The following FANCC variants were observed in gnomAD, a reference collection of about 807,000 sequenced individuals.
The protein encoded by FANCC is Fanconi anemia group C protein.
FANCC carries 55 observed loss-of-function variants against 71.3 expected under a neutral mutation model. That is an observed-to-expected ratio of 0.77 (90% CI 0.62 to 0.97). FANCC has a LOEUF of 0.97. FANCC is among the 50% of genes least tolerant of loss of function. FANCC has a pLI of 0.00. For synonymous variants in FANCC, 275 were observed against 244.9 expected (o/e 1.12, Z -1.15); for missense variants, 678 against 670.9 (o/e 1.01, Z -0.12).
chr9:95,156,635 A>T (rs1360332916), intron 6 of FANCC, among the ~76,000 whole-genome samples: 1 of 152,118 alleles, frequency 6.6e-6, no homozygotes, highest in Non-Finnish European at 1.5e-5. Flanking sequence ...CCATTCATAA[A>T]ATTTTAACTT....
intron 4 of FANCC, among the ~76,000 whole-genome samples, chr9:95,178,352 A>C (rs1457892300): frequency 3.9e-5 from 6 of 152,210 alleles, no homozygotes; most frequent in Admixed American, 3.9e-4. Flanking sequence ...AACTGTCTTG[A>C]TGAGATGGGA....
intron 6 of FANCC, among the ~76,000 whole-genome samples, chr9:95,160,090 G>A (rs1830660310): frequency 6.6e-6 from 1 of 152,174 alleles, no homozygotes; most frequent in African/African-American, 2.4e-5. Flanking sequence ...TTTTAGTCAT[G>A]AAGTCCTTGT....
At chr9:95,132,155 G>T (rs1022157659) in intron 8 of FANCC, among the ~76,000 whole-genome samples, 7 of 152,158 alleles carry the variant, frequency 4.6e-5, no homozygotes, top group African/African-American at 1.7e-4. Context: ...ACCCAGCTGC[G>T]GGCGGGCTCT....
Position 95,293,182 on chromosome 9 carries a change from C to G in FANCC, c.-79+24344G>C, listed in dbSNP as rs143485927. ...TGGCTCTAACACTGACAAGCAGACT[C>G]TTTCTTACAACATCACCGAGATAGC... On this transcript the variant is annotated intron_variant, in intron 1 of 14. Transcript: ENST00000289081. 3.2e-3 allele frequency: 5,148 copies of G among 1,612,346 alleles called. 23 individuals carry two copies. The highest frequency in any genetic ancestry group is 1.0e-2 in the South Asian group (909 of 90,970).
At chr9:95,254,509 C>T (rs1831538903) in intron 1 of FANCC, among the ~76,000 whole-genome samples, 2 of 152,186 alleles carry the variant, frequency 1.3e-5, no homozygotes, top group Admixed American at 1.3e-4. Context: ...CAAGGGAAGC[C>T]GTGAGGGACT....
chr9:95,292,804 T>C (rs1341844571), intron 1 of FANCC: 1 of 1,568,810 alleles, frequency 6.4e-7, no homozygotes, highest in Non-Finnish European at 8.8e-7. Flanking sequence ...CAGCACTTTA[T>C]GAAAATCCAT....
intron 13 of FANCC, chr9:95,110,732 G>C: frequency 9.3e-7 from 1 of 1,077,796 alleles, no homozygotes. Flanking sequence ...TAACTACTAA[G>C]ATCAGCATAG....
chr9:95,266,334 T>C (rs1001072363), intron 1 of FANCC, among the ~76,000 whole-genome samples: 1 of 152,212 alleles, frequency 6.6e-6, no homozygotes, highest in East Asian at 1.9e-4. Context: ...TGATCAATGA[T>C]GCAGTCATTG....
intron 11 of FANCC, 28 bp downstream of exon 11, chr9:95,117,287 G>T (rs1326881162): frequency 1.2e-6 from 2 of 1,603,580 alleles, no homozygotes; most frequent in African/African-American, 1.3e-5. Context: ...AAATCATTCT[G>T]ATGTGGGCAA....
At chr9:95,266,467 T>C (rs1474785992) in intron 1 of FANCC, among the ~76,000 whole-genome samples, 2 of 152,244 alleles carry the variant, frequency 1.3e-5, no homozygotes, top group East Asian at 1.9e-4. Flanking sequence ...TCAGAACCAC[T>C]GTGCAACGGC....
intron 4 of FANCC, among the ~76,000 whole-genome samples, chr9:95,181,461 C>G (rs1030279241): frequency 7.9e-5 from 12 of 152,066 alleles, no homozygotes; most frequent in Non-Finnish European, 1.3e-4. Flanking sequence ...GGTAAATAGT[C>G]TAAACACAAA....
intron 1 of FANCC, among the ~76,000 whole-genome samples, chr9:95,261,751 A>G (rs1165548596): frequency 2.6e-5 from 4 of 152,244 alleles, no homozygotes; most frequent in Non-Finnish European, 1.5e-5. Context: ...AGAAATTCCT[A>G]TGCAGAGGGG....
chr9:95,118,322 C>G (rs560352115), intron 10 of FANCC, among the ~76,000 whole-genome samples: 1 of 152,324 alleles, frequency 6.6e-6, no homozygotes, highest in African/African-American at 2.4e-5. Flanking sequence ...CCTGGCTCAG[C>G]ATGGTTTTTA....
At chr9:95,292,711 C>A in intron 1 of FANCC, 25 of 1,332,668 alleles carry the variant, frequency 1.9e-5, no homozygotes, top group Non-Finnish European at 2.6e-5. Flanking sequence ...GATTTGAAAA[C>A]TGTACCGAAA....
chr9:95,254,054 G>A (rs1044677474), intron 1 of FANCC, among the ~76,000 whole-genome samples: 2 of 152,150 alleles, frequency 1.3e-5, no homozygotes, highest in African/African-American at 4.8e-5. Flanking sequence ...ACTGGTACCG[G>A]TCTGTGGCCC....
intron 4 of FANCC, among the ~76,000 whole-genome samples, chr9:95,221,683 G>A (rs1240047909): frequency 1.3e-5 from 2 of 152,178 alleles, no homozygotes; most frequent in East Asian, 1.9e-4. Flanking sequence ...CACACCTTAA[G>A]AAGAAGATAA....
intron 1 of FANCC, among the ~76,000 whole-genome samples, chr9:95,301,175 A>AACACACACACACACAC (rs146415585): frequency 6.8e-6 from 1 of 145,986 alleles, no homozygotes; most frequent in African/African-American, 2.5e-5. Context: ...TAACCATCAA[A>AACACACACACACACAC]ACACACACAC....
intron 1 of FANCC, among the ~76,000 whole-genome samples, chr9:95,266,474 C>T (rs1191316018): frequency 1.3e-5 from 2 of 152,144 alleles, no homozygotes; most frequent in East Asian, 3.8e-4. Flanking sequence ...CACTGTGCAA[C>T]GGCAATCTCT....
At chr9:95,289,642 A>C (rs1833890836) in intron 1 of FANCC, among the ~76,000 whole-genome samples, 1 of 152,126 alleles carries the variant, frequency 6.6e-6, no homozygotes, top group Non-Finnish European at 1.5e-5. Flanking sequence ...TTTTAACCAT[A>C]ACTGTATGAT....
Sources: allele counts gnomAD v4.1 joint callset (sites outside exome capture counted in the v4.1 genomes callset), GRCh38; gene constraint gnomAD v4.1.1; transcripts MANE v1.5; gene names NCBI Gene and HGNC (gene_info 2026-07-23, HGNC 2026-07-21).